AGO2: variants seen among roughly 807,000 people sequenced by gnomAD.
AGO2 encodes argonaute RISC catalytic component 2, also known as protein argonaute-2.
Under a neutral mutation model 102.3 loss-of-function variants are expected in AGO2, and 5 were observed. That is an observed-to-expected ratio of 0.05 (90% CI 0.03 to 0.10). The LOEUF (loss-of-function observed/expected upper bound fraction) is 0.10, where lower values mean the gene tolerates loss of function less well. AGO2 is among the 10% of genes least tolerant of loss of function. The pLI is 1.00. For synonymous variants in AGO2, 449 were observed against 473.1 expected (o/e 0.95, Z 0.66); for missense variants, 541 against 1,183.7 (o/e 0.46, Z 7.97).
rs145822330 is a variant in AGO2 at position 140,544,232 on chromosome 8, T to A, written c.1820A>T (p.Lys607Met). 6.3e-7 allele frequency: 1 copy of A among 1,593,340 alleles called. No homozygotes were observed. Among genetic ancestry groups the A allele is most frequent in the Non-Finnish European group, 8.5e-7 (1 of 1,172,626 alleles). Residue 607 changes from lysine to methionine, a missense_variant, in exon 14 of 19, where the codon AAG (lysine) becomes ATG (methionine). By Grantham distance (95) the Lys-to-Met change is moderately conservative (BLOSUM62 -1). Coordinates refer to ENST00000220592, the MANE Select transcript of AGO2 (RefSeq NM_012154.5). The stretch of plus-strand genomic sequence containing the variant: ...ACTCACGGCGGCAATGGAGGGCTTC[T>A]TCCCATCCCCGGCGGGGGGGTGAGT... The part of the protein sequence containing the change: ...DVTHPPAGDG[K>M]KPSIAAVVGS...
At chr8:140,552,669 G>C (rs1365288867) in intron 10 of AGO2, among the ~76,000 whole-genome samples, 1 of 151,474 alleles carries the variant, frequency 6.6e-6, no homozygotes, top group Admixed American at 6.6e-5. Flanking sequence ...CTCCAGACAG[G>C]GAGTGCACAC....
chr8:140,610,339 T>A (rs2074059847), intron 1 of AGO2, among the ~76,000 whole-genome samples: 1 of 152,100 alleles, frequency 6.6e-6, no homozygotes, highest in Non-Finnish European at 1.5e-5. Context: ...TGCCTCAGCC[T>A]CCCGAGTAGC....
chr8:140,575,678 C>T (rs1195549158), intron 2 of AGO2, among the ~76,000 whole-genome samples: 7 of 152,182 alleles, frequency 4.6e-5, no homozygotes. Context: ...ACTAAGAAAT[C>T]ATGGGCCAAT....
chr8:140,581,982 A>G (rs977200912), intron 2 of AGO2, among the ~76,000 whole-genome samples: 1 of 152,240 alleles, frequency 6.6e-6, no homozygotes, highest in Admixed American at 6.5e-5. Context: ...TTCCAGGAAA[A>G]GAAAAATTTA....
In AGO2 at chr8:140,564,061, C is replaced by T. The variant is rs76875530; in HGVS notation, c.337-1427G>A. Among the ~76,000 whole-genome samples the T allele has an allele frequency of 6.7e-3, 1,019 of 152,346 alleles. 12 individuals carry two copies. The highest frequency in any genetic ancestry group is 0.023 in the African/African-American group (961 of 41,584). On this transcript the variant is annotated intron_variant, in intron 3 of 18. Transcript: ENST00000220592. ...TTGTGCCCGATGGCCCCAAACTGGC[C>T]GCGCCCCGAGGACCATCTGCAAAAG...
intron 1 of AGO2, among the ~76,000 whole-genome samples, chr8:140,619,392 C>T (rs2074185008): frequency 6.6e-6 from 1 of 152,206 alleles, no homozygotes; most frequent in Admixed American, 6.5e-5. Context: ...CGCAACGACA[C>T]AAGAGAAATA....
At chr8:140,609,487 C>A (rs1564114926) in intron 1 of AGO2, among the ~76,000 whole-genome samples, 1 of 152,240 alleles carries the variant, frequency 6.6e-6, no homozygotes, top group African/African-American at 2.4e-5. Flanking sequence ...CCCATCACCC[C>A]GTGCACTGCT....
At chr8:140,608,420 T>C (rs1454534044) in intron 1 of AGO2, among the ~76,000 whole-genome samples, 1 of 152,210 alleles carries the variant, frequency 6.6e-6, no homozygotes, top group Non-Finnish European at 1.5e-5. Flanking sequence ...TTCTCCACAA[T>C]TGTCCGTGGA....
chr8:140,636,770 T>C (rs1216495296), upstream of AGO2: 1 of 152,180 alleles, frequency 6.6e-6, no homozygotes, highest in Admixed American at 6.5e-5. Context: ...AACGTGCTCC[T>C]GAAATGTGTA....
intron 1 of AGO2, among the ~76,000 whole-genome samples, chr8:140,616,417 GACA>G (rs1434765335): frequency 2.6e-5 from 4 of 152,140 alleles, no homozygotes; most frequent in South Asian, 2.1e-4. Flanking sequence ...TACTAATTAT[GACA>G]ACGACAACAA....
chr8:140,590,990 C>T (rs569747806), intron 1 of AGO2, among the ~76,000 whole-genome samples: 98 of 152,294 alleles, frequency 6.4e-4, no homozygotes, highest in African/African-American at 2.2e-3. Context: ...TGCATCCACA[C>T]GCTGAGAAGG....
In AGO2 at chr8:140,557,524, C is replaced by T. The variant is rs969800762; in HGVS notation, c.879-288G>A. 2.6e-5 allele frequency among the ~76,000 whole-genome samples: 4 copies of T among 152,320 alleles called. No individual in the cohort carries two copies. Among genetic ancestry groups the T allele is most frequent in the East Asian group, 1.9e-4 (1 of 5,180 alleles). ...GTAAAGGAGTCAGGACGAATGGGCA[C>T]GACCAGAAAGGCCTGCGCGTCTTCC... On this transcript the variant is annotated intron_variant, in intron 7 of 18. Transcript: ENST00000220592. The surrounding 1 kb of genome is among the most constrained non-coding windows in gnomAD (Gnocchi z 5.9).
intron 3 of AGO2, among the ~76,000 whole-genome samples, chr8:140,570,649 G>A (rs577945892): frequency 1.5e-3 from 228 of 152,268 alleles, no homozygotes; most frequent in African/African-American, 5.2e-3. Flanking sequence ...GGCACCGGAC[G>A]GGGATGTACA....
At chr8:140,560,998 G>A (rs1464499812) in intron 4 of AGO2, among the ~76,000 whole-genome samples, 2 of 152,244 alleles carry the variant, frequency 1.3e-5, no homozygotes, top group Non-Finnish European at 2.9e-5. Context: ...AGCATCTGCC[G>A]GCTCCTTTAG....
chr8:140,593,205 T>TG (rs1020344427), intron 1 of AGO2: 2 of 152,220 alleles, frequency 1.3e-5, no homozygotes, highest in African/African-American at 2.4e-5. Context: ...ACCAAAACTT[T>TG]TTTTTTGAGA....
intron 3 of AGO2, among the ~76,000 whole-genome samples, chr8:140,568,736 A>T (rs1232361052): frequency 6.6e-6 from 1 of 152,236 alleles, no homozygotes; most frequent in African/African-American, 2.4e-5. Flanking sequence ...CACCAAAACC[A>T]GTCCCACCCA....
chr8:140,614,139 A>T (rs1282545555), intron 1 of AGO2, among the ~76,000 whole-genome samples: 1 of 152,072 alleles, frequency 6.6e-6, no homozygotes, highest in Non-Finnish European at 1.5e-5. Context: ...ATCCTGGCTA[A>T]CATGGTGAAA....
At chr8:140,576,981 G>A (rs2073474898) in intron 2 of AGO2, among the ~76,000 whole-genome samples, 1 of 152,136 alleles carries the variant, frequency 6.6e-6, no homozygotes, top group Non-Finnish European at 1.5e-5. Context: ...GCCGAAGCAG[G>A]TGGATCACGA....
chr8:140,535,675 G>T, intron 16 of AGO2, 106 bp from the exon 17 acceptor site: 1 of 1,043,458 alleles, frequency 9.6e-7, no homozygotes, highest in Non-Finnish European at 1.5e-6. Flanking sequence ...CTATTTTGAA[G>T]TTTTTAAATT....
Sources: allele counts gnomAD v4.1 joint callset (sites outside exome capture counted in the v4.1 genomes callset), GRCh38; gene constraint gnomAD v4.1.1; non-coding constraint Gnocchi (gnomAD v3.1); transcripts MANE v1.5; gene names NCBI Gene and HGNC (gene_info 2026-07-23, HGNC 2026-07-21).